Variants in WDR27 observed in about 807,000 individuals in gnomAD.
WDR27 encodes WD repeat-containing protein 27.
Under a neutral mutation model 114.4 loss-of-function variants are expected in WDR27, and 100 were observed. The ratio of observed to expected loss-of-function variants is 0.87; its 90% confidence interval spans 0.74 to 1.03. The LOEUF (loss-of-function observed/expected upper bound fraction) is 1.03, where lower values mean the gene tolerates loss of function less well. Among genes scored for constraint, WDR27 ranks in the 50% least tolerant of loss-of-function variants. The pLI is 0.00. For synonymous variants in WDR27, 449 were observed against 423.1 expected, an observed-to-expected ratio of 1.06 and a Z score of -0.75; for missense variants, 1,129 against 1,092.9, an observed-to-expected ratio of 1.03 and a Z score of -0.47.
At chr6:169,498,985 G>A (rs187070959) in intron 25 of WDR27, among the ~76,000 whole-genome samples, 40 of 152,296 alleles carry the variant, frequency 2.6e-4, no homozygotes, top group African/African-American at 6.5e-4. Flanking sequence ...ACACGAGTAC[G>A]AGTCAAAAGG....
chr6:169,551,484 C>T (rs548315981), intron 25 of WDR27, among the ~76,000 whole-genome samples: 1 of 152,086 alleles, frequency 6.6e-6, no homozygotes, highest in African/African-American at 2.4e-5. Context: ...GAGGAGGATC[C>T]AGTACTTTAG....
At chr6:169,466,862 A>T (rs1178848872) in intron 25 of WDR27, among the ~76,000 whole-genome samples, 1 of 152,156 alleles carries the variant, frequency 6.6e-6, no homozygotes, top group Non-Finnish European at 1.5e-5. Context: ...TCCAGCATTA[A>T]CCCAAAAGTT....
chr6:169,521,251 A>G (rs571628031), intron 25 of WDR27, among the ~76,000 whole-genome samples: 1 of 152,242 alleles, frequency 6.6e-6, no homozygotes, highest in East Asian at 1.9e-4. Flanking sequence ...AAGTGCTGAA[A>G]GAAAAAAAAA....
chr6:169,606,248 G>A (rs1345676469), intron 22 of WDR27, among the ~76,000 whole-genome samples: 2 of 151,976 alleles, frequency 1.3e-5, no homozygotes, highest in Non-Finnish European at 2.9e-5. Context: ...GAACTCAAAC[G>A]ACTCAACAAA....
chr6:169,568,199 G>A (rs1440101642), intron 25 of WDR27, among the ~76,000 whole-genome samples: 1 of 152,144 alleles, frequency 6.6e-6, no homozygotes, highest in African/African-American at 2.4e-5. Flanking sequence ...GAAGGAGAAA[G>A]AGGCAGAAGG....
chr6:169,471,143 T>C (rs1189080401), intron 25 of WDR27, among the ~76,000 whole-genome samples: 2 of 151,704 alleles, frequency 1.3e-5, no homozygotes, highest in Non-Finnish European at 1.5e-5. Context: ...ATTAAGTTGG[T>C]GCAAAAGTAA....
intron 21 of WDR27, among the ~76,000 whole-genome samples, chr6:169,628,603 G>C (rs1815475789): frequency 6.6e-6 from 1 of 152,122 alleles, no homozygotes; most frequent in African/African-American, 2.4e-5. Flanking sequence ...TGTGAGAATG[G>C]GTAATGCCAG....
intron 25 of WDR27, among the ~76,000 whole-genome samples, chr6:169,524,174 T>C (rs906160722): frequency 6.6e-6 from 1 of 151,798 alleles, no homozygotes; most frequent in African/African-American, 2.4e-5. Context: ...AAGAAAGCAA[T>C]CCCATTACAA....
At chr6:169,476,855 T>A (rs185852896) in intron 25 of WDR27, among the ~76,000 whole-genome samples, 68 of 152,350 alleles carry the variant, frequency 4.5e-4, no homozygotes, top group Admixed American at 3.4e-3. Flanking sequence ...TCTTTCAAGC[T>A]AAATTAATCA....
intron 6 of WDR27, among the ~76,000 whole-genome samples, chr6:169,666,092 G>A (rs1326403062): frequency 6.6e-6 from 1 of 152,184 alleles, no homozygotes; most frequent in Non-Finnish European, 1.5e-5. Flanking sequence ...AGTAATTTAG[G>A]AGCATTAGAT....
chr6:169,631,672 G>A (rs978467433), intron 21 of WDR27, among the ~76,000 whole-genome samples: 2 of 152,138 alleles, frequency 1.3e-5, no homozygotes, highest in African/African-American at 4.8e-5. Flanking sequence ...CCTGGACACG[G>A]AGCCTCTGAA....
In WDR27 at chr6:169,664,210, GTCTC is replaced by G; in HGVS notation, c.856_859del (p.Glu286LeufsTer34). On this transcript the variant is annotated frameshift_variant, in exon 8 of 26. Coordinates refer to ENST00000448612, the MANE Select transcript of WDR27 (RefSeq NM_182552.5). LOFTEE classifies it high-confidence loss of function. ...AGACTTAACCCTTCTTGTGGAGAAA[GTCTC>G]TGTCTTCTTCCTTAGGTCAACCCGT... is the stretch of plus-strand genomic sequence containing the variant. 6.2e-7 allele frequency: 1 copy of G among 1,612,320 alleles called. No individual in the cohort carries two copies. The highest frequency in any genetic ancestry group is 8.5e-7 in the Non-Finnish European group (1 of 1,178,976).
At chr6:169,670,400 C>G (rs531292640) in intron 4 of WDR27, 169 bp downstream of exon 4, 126 of 637,670 alleles carry the variant, frequency 2.0e-4, no homozygotes, top group African/African-American at 1.7e-3. Flanking sequence ...CAGTGGTTTT[C>G]CAATTGCAAG....
At chr6:169,564,906 G>A (rs942756434) in intron 25 of WDR27, among the ~76,000 whole-genome samples, 2 of 152,204 alleles carry the variant, frequency 1.3e-5, no homozygotes, top group African/African-American at 4.8e-5. Flanking sequence ...CAACACCCAT[G>A]TGGACCCCAC....
At position 169,612,926 on chromosome 6, in the gene WDR27, TGTAA is replaced by T. The variant is rs1327136201; in HGVS notation, c.2321+629_2321+632del. ...AATAATAATAGTAAACAAACCTGCCTGTAAGTTTTATTATTGCATTCAACAGTAA... is the reference window on the plus strand; with the variant it reads ...AATAATAATAGTAAACAAACCTGCCTGTTTTATTATTGCATTCAACAGTAA... On this transcript the variant is annotated intron_variant, in intron 22 of 25. Coordinates refer to ENST00000448612, the MANE Select transcript of WDR27 (RefSeq NM_182552.5). Among the ~76,000 whole-genome samples the T allele has an allele frequency of 2.6e-5, 4 of 152,240 alleles. No individual in the cohort carries two copies. The East Asian group carries it at 5.8e-4, about 22-fold the overall frequency.
At chr6:169,576,195 AC>A (rs1343049328) in intron 24 of WDR27, among the ~76,000 whole-genome samples, 1 of 152,202 alleles carries the variant, frequency 6.6e-6, no homozygotes, top group Middle Eastern at 3.2e-3. Flanking sequence ...CTCTGTGTCC[AC>A]CCACCCTCAG....
intron 1 of WDR27, among the ~76,000 whole-genome samples, chr6:169,692,257 T>C (rs776634883): frequency 1.3e-5 from 2 of 152,178 alleles, no homozygotes; most frequent in Non-Finnish European, 2.9e-5. Context: ...CTGTATCTCA[T>C]AGGGGTCCTC....
chr6:169,502,936 C>G (rs1262047226), intron 25 of WDR27, among the ~76,000 whole-genome samples: 1 of 152,182 alleles, frequency 6.6e-6, no homozygotes, highest in Non-Finnish European at 1.5e-5. Flanking sequence ...AGGCTTCCCC[C>G]AAACACTTTT....
chr6:169,642,760 AG>A (rs1819556327), intron 17 of WDR27, among the ~76,000 whole-genome samples: 2 of 152,194 alleles, frequency 1.3e-5, no homozygotes, highest in Non-Finnish European at 2.9e-5. Context: ...GGCCTTGCCT[AG>A]GCCTGCTTCC....
Sources: allele counts gnomAD v4.1 joint callset (sites outside exome capture counted in the v4.1 genomes callset), GRCh38; gene constraint gnomAD v4.1.1; transcripts MANE v1.5; gene names NCBI Gene and HGNC (gene_info 2026-07-23, HGNC 2026-07-21).